PRR16: variants seen among roughly 807,000 people sequenced by gnomAD.
PRR16 encodes proline rich 16.
In PRR16, 6 loss-of-function variants were observed where a neutral mutation model predicts 18.2. The ratio of observed to expected loss-of-function variants is 0.33; its 90% CI spans 0.18 to 0.65. The LOEUF (loss-of-function observed/expected upper bound fraction) is 0.65. PRR16 is among the 30% of genes least tolerant of loss of function. PRR16 has a pLI of 0.74. For synonymous variants in PRR16, 151 were observed against 147.8 expected (o/e 1.02, Z -0.16); for missense variants, 412 against 376.6 (o/e 1.09, Z -0.78).
chr5:120,711,938 C>G, the PRR16 span, among the ~76,000 whole-genome samples: 1 of 152,138 alleles, frequency 6.6e-6, no homozygotes, highest in Non-Finnish European at 1.5e-5. Context: ...TTTCCTCTCC[C>G]ATTTCCACAC....
At chr5:120,625,170 G>A (rs1754823562) in intron 1 of PRR16, among the ~76,000 whole-genome samples, 1 of 152,034 alleles carries the variant, frequency 6.6e-6, no homozygotes, top group South Asian at 2.1e-4. Context: ...TATTCACAAG[G>A]AGGTGACAGG....
chr5:120,584,165 T>C (rs889909996), intron 1 of PRR16, among the ~76,000 whole-genome samples: 4 of 152,164 alleles, frequency 2.6e-5, no homozygotes, highest in Non-Finnish European at 5.9e-5. Context: ...TACAGGACTA[T>C]GTGGGAAGTG....
intron 1 of PRR16, among the ~76,000 whole-genome samples, chr5:120,650,214 TAA>T (rs1273150513): frequency 4.0e-5 from 5 of 126,336 alleles, no homozygotes; most frequent in Admixed American, 8.1e-5. Context: ...AGACTCCTTC[TAA>T]AAAAAAAAAA....
chr5:120,725,645 C>T, the PRR16 span, among the ~76,000 whole-genome samples: 27 of 152,062 alleles, frequency 1.8e-4, no homozygotes, highest in East Asian at 4.9e-3. Flanking sequence ...CTATTGCATT[C>T]CAGCCTGAGT....
At chr5:120,718,347 A>G in the PRR16 span, among the ~76,000 whole-genome samples, 3 of 152,128 alleles carry the variant, frequency 2.0e-5, no homozygotes, top group African/African-American at 7.2e-5. Flanking sequence ...TACCAAGAAG[A>G]CACACAACTC....
At chr5:120,741,633 GCT>G in the PRR16 span, among the ~76,000 whole-genome samples, 1 of 151,758 alleles carries the variant, frequency 6.6e-6, no homozygotes, top group Non-Finnish European at 1.5e-5. Context: ...ACAGTATCTC[GCT>G]CTGTTGCCCA....
chr5:120,749,001 T>C, the PRR16 span, among the ~76,000 whole-genome samples: 1 of 152,158 alleles, frequency 6.6e-6, no homozygotes, highest in Non-Finnish European at 1.5e-5. Flanking sequence ...AAATTCTAGA[T>C]ATTTCTGTTT....
chr5:120,511,341 T>G (rs4895258), intron 1 of PRR16, among the ~76,000 whole-genome samples: 26,385 of 152,078 alleles, frequency 0.17, 2,432 homozygotes, highest in African/African-American at 0.21. Flanking sequence ...GGACTGAGCC[T>G]CTGAGAATGT....
chr5:120,665,776 G>A (rs925961006), intron 1 of PRR16, among the ~76,000 whole-genome samples: 2 of 152,022 alleles, frequency 1.3e-5, no homozygotes, highest in Non-Finnish European at 2.9e-5. Flanking sequence ...GTAGATATGT[G>A]GCATTATTTC....
the PRR16 span, among the ~76,000 whole-genome samples, chr5:120,765,587 T>G: frequency 6.6e-6 from 1 of 152,060 alleles, no homozygotes; most frequent in African/African-American, 2.4e-5. Context: ...TCTTTTCTTT[T>G]TCTAAACCTC....
intron 1 of PRR16, among the ~76,000 whole-genome samples, chr5:120,585,924 C>G (rs1370259080): frequency 6.6e-6 from 1 of 151,768 alleles, no homozygotes; most frequent in Non-Finnish European, 1.5e-5. Context: ...GCTTGTAATC[C>G]CAGCACTTTG....
chr5:120,725,631 C>T, the PRR16 span, among the ~76,000 whole-genome samples: 6 of 152,056 alleles, frequency 3.9e-5, no homozygotes, highest in Non-Finnish European at 5.9e-5. Flanking sequence ...GAGCTATAAT[C>T]ATACTATTGC....
At chr5:120,727,448 T>A in the PRR16 span, among the ~76,000 whole-genome samples, 1 of 152,104 alleles carries the variant, frequency 6.6e-6, no homozygotes, top group Non-Finnish European at 1.5e-5. Context: ...ACCCAATGTG[T>A]CTAAGACAGA....
chr5:120,547,510 T>C (rs1752110980), intron 1 of PRR16, among the ~76,000 whole-genome samples: 1 of 152,022 alleles, frequency 6.6e-6, no homozygotes, highest in South Asian at 2.1e-4. Context: ...TACTTTTATA[T>C]GTGTTTCTGC....
At chr5:120,568,756 A>T (rs1035453474) in intron 1 of PRR16, among the ~76,000 whole-genome samples, 5 of 152,136 alleles carry the variant, frequency 3.3e-5, no homozygotes, top group African/African-American at 1.2e-4. Context: ...AGTGATTCAG[A>T]TGCTTTTCTG....
downstream of PRR16, among the ~76,000 whole-genome samples, chr5:120,690,439 A>G (rs1459746846): frequency 6.6e-6 from 1 of 152,178 alleles, no homozygotes; most frequent in African/African-American, 2.4e-5. Flanking sequence ...CTCTGTCCCC[A>G]GCACATTTTG....
chr5:120,785,993 T>A, the PRR16 span, among the ~76,000 whole-genome samples: 1 of 151,848 alleles, frequency 6.6e-6, no homozygotes, highest in African/African-American at 2.4e-5. Flanking sequence ...AAAAAGATTT[T>A]AAAAAATCAA....
chr5:120,736,935 GTATAC>G, the PRR16 span, among the ~76,000 whole-genome samples: 15,762 of 151,970 alleles, frequency 0.1, 1,021 homozygotes, highest in African/African-American at 0.18. Flanking sequence ...TATTGAATTT[GTATAC>G]TATAACTTTG....
At chr5:120,503,625 G>A (rs1750540598) in intron 1 of PRR16, among the ~76,000 whole-genome samples, 1 of 152,094 alleles carries the variant, frequency 6.6e-6, no homozygotes, top group African/African-American at 2.4e-5. Context: ...TAATAATCCA[G>A]CTGTTGGAGG....
Sources: gnomAD v4.1 joint callset for allele counts (sites outside exome capture counted in the v4.1 genomes callset) on GRCh38, gnomAD v4.1.1 for gene constraint, MANE v1.5 for transcripts, NCBI Gene and HGNC (gene_info 2026-07-23, HGNC 2026-07-21) for gene names.